SIK2: variants seen among roughly 807,000 people sequenced by gnomAD.
SIK2 encodes the protein salt inducible kinase 2.
In SIK2, 29 loss-of-function variants were observed where a neutral mutation model predicts 103.2. That is an observed-to-expected ratio of 0.28 (90% CI 0.21 to 0.38). The LOEUF is 0.38. SIK2 is among the 10% of genes least tolerant of loss of function. SIK2 has a pLI of 1.00. For missense variants in SIK2, 879 were observed against 1,171.0 expected (o/e 0.75, Z 3.64); for synonymous variants, 412 against 446.1 (o/e 0.92, Z 0.96).
chr11:111,719,782 G>A lies in SIK2; in HGVS notation c.1274G>A (p.Gly425Asp). The change falls in exon 10 of 15, where the codon GGC becomes GAC. Residue 425 changes from glycine to aspartate, a missense_variant. Physicochemically the swap from Gly to Asp is moderately conservative, Grantham distance 94. Around this residue, in one of 7 missense-constraint regions of SIK2, gnomAD observed 222 missense variants for 258.0 expected, o/e 0.86. Coordinates refer to ENST00000304987, the MANE Select transcript of SIK2 (RefSeq NM_015191.3). Reference protein sequence around the residue: ...EECVDTPKVNGCLLDPVPPVL... With the variant: ...EECVDTPKVNDCLLDPVPPVL... ...CTCTCCCCTGGCGTTTAGGTCAATGGCTGTCTGCTTGACCCTGTGCCTCCT... is the reference window on the plus strand; with the variant it reads ...CTCTCCCCTGGCGTTTAGGTCAATGACTGTCTGCTTGACCCTGTGCCTCCT... 6.2e-7 allele frequency: 1 copy of A among 1,613,028 alleles called. No individual in the cohort carries two copies.
At chr11:111,693,742 G>A (rs572777509) in intron 4 of SIK2, among the ~76,000 whole-genome samples, 2 of 152,170 alleles carry the variant, frequency 1.3e-5, no homozygotes, top group South Asian at 2.1e-4. Flanking sequence ...TATAACCTTG[G>A]GCCGATTATT....
chr11:111,689,582 A>G (rs188350126), intron 4 of SIK2, among the ~76,000 whole-genome samples: 86 of 152,300 alleles, frequency 5.6e-4, no homozygotes, highest in Non-Finnish European at 5.9e-5. Context: ...GTTTTGTTCT[A>G]AGATTGTTAA....
intron 3 of SIK2, among the ~76,000 whole-genome samples, chr11:111,623,099 A>G (rs1941916015): frequency 6.6e-6 from 1 of 152,158 alleles, no homozygotes; most frequent in African/African-American, 2.4e-5. Flanking sequence ...TTTTTAAAAA[A>G]TTCCTTTTTT....
chr11:111,672,307 A>T (rs2135881301), intron 3 of SIK2: 1 of 434,904 alleles, frequency 2.3e-6, no homozygotes, highest in East Asian at 5.2e-5. Context: ...CAAGGAGCTG[A>T]TGCAGGCACC....
chr11:111,642,468 G>C (rs1942195465), intron 3 of SIK2, among the ~76,000 whole-genome samples: 1 of 152,116 alleles, frequency 6.6e-6, no homozygotes, highest in African/African-American at 2.4e-5. Flanking sequence ...CTCAGAAACA[G>C]CCAAACGGAA....
At chr11:111,617,834 GTGTA>G (rs1193747937) in intron 2 of SIK2, among the ~76,000 whole-genome samples, 1 of 150,520 alleles carries the variant, frequency 6.6e-6, no homozygotes, top group Non-Finnish European at 1.5e-5. Flanking sequence ...ATGTGTGTTT[GTGTA>G]TGTGTGTGTG....
chr11:111,630,043 TCA>T (rs1238253989), intron 3 of SIK2, among the ~76,000 whole-genome samples: 1 of 152,182 alleles, frequency 6.6e-6, no homozygotes, highest in Non-Finnish European at 1.5e-5. Flanking sequence ...CAGCCTTTTT[TCA>T]CAGTCACGCA....
chr11:111,688,558 C>T lies in SIK2; in HGVS notation c.478+396C>T, dbSNP rs781217596. Among the ~76,000 whole-genome samples the T allele has an allele frequency of 9.9e-5, 15 of 152,186 alleles. No homozygotes were observed. Among genetic ancestry groups the T allele is most frequent in the South Asian group, 2.1e-4 (1 of 4,810 alleles). Reference sequence around the variant, plus strand: ...GCTACAGCCAGAAGCAGAGAAAAGGCAAAAGAAGTGATGGAGGTAGAATGA... The same window carrying T: ...GCTACAGCCAGAAGCAGAGAAAAGGTAAAAGAAGTGATGGAGGTAGAATGA... On this transcript the variant is annotated intron_variant, in intron 4 of 14. Coordinates refer to ENST00000304987, the MANE Select transcript of SIK2 (RefSeq NM_015191.3). The surrounding 1 kb of genome is among the most constrained non-coding windows in gnomAD (Gnocchi z 4.2).
At chr11:111,703,058 A>T (rs1457974143) in intron 6 of SIK2, 145 bp from the exon 7 acceptor site, 4 of 656,552 alleles carry the variant, frequency 6.1e-6, no homozygotes, top group Non-Finnish European at 1.0e-5. Flanking sequence ...AGTAGCCTGC[A>T]TGTGTTCATT....
chr11:111,682,377 G>A (rs1284460039), intron 3 of SIK2, among the ~76,000 whole-genome samples: 5 of 152,226 alleles, frequency 3.3e-5, no homozygotes, highest in African/African-American at 7.2e-5. Context: ...CTGTTCCAGC[G>A]TAAAAGGGCT....
chr11:111,657,652 G>A (rs768288822), intron 3 of SIK2, among the ~76,000 whole-genome samples: 9 of 152,096 alleles, frequency 5.9e-5, no homozygotes, highest in Non-Finnish European at 1.2e-4. Context: ...GCCTCCCAAA[G>A]TGCTGGGATT....
At chr11:111,625,284 G>C (rs1342363324) in intron 3 of SIK2, among the ~76,000 whole-genome samples, 1 of 152,178 alleles carries the variant, frequency 6.6e-6, no homozygotes, top group East Asian at 1.9e-4. Flanking sequence ...AGGGAAACCA[G>C]GTAGGAAGCT....
chr11:111,671,662 G>C, intron 3 of SIK2: 1 of 375,476 alleles, frequency 2.7e-6, no homozygotes, highest in South Asian at 2.5e-5. Flanking sequence ...AACCACAGAT[G>C]TGTCCAAGAT....
chr11:111,677,142 A>G (rs1422580329), intron 3 of SIK2, among the ~76,000 whole-genome samples: 2 of 152,218 alleles, frequency 1.3e-5, no homozygotes, highest in Non-Finnish European at 2.9e-5. Context: ...AGATGACATC[A>G]TCATAACCTG....
At chr11:111,629,644 C>A (rs984607724) in intron 3 of SIK2, among the ~76,000 whole-genome samples, 7 of 152,064 alleles carry the variant, frequency 4.6e-5, no homozygotes, top group Non-Finnish European at 1.0e-4. Flanking sequence ...AAAAAGACAA[C>A]CCAATTTAAC....
intron 4 of SIK2, among the ~76,000 whole-genome samples, chr11:111,694,204 T>G (rs1943017006): frequency 6.6e-6 from 1 of 152,210 alleles, no homozygotes; most frequent in East Asian, 1.9e-4. Context: ...CTTAAAATTT[T>G]AATAGCCATA....
intron 3 of SIK2, among the ~76,000 whole-genome samples, chr11:111,674,291 A>G (rs991945775): frequency 8.6e-5 from 13 of 151,922 alleles, no homozygotes; most frequent in Admixed American, 5.9e-4. Flanking sequence ...TTATCTCCCT[A>G]TGTTTCTGGT....
In SIK2 at chr11:111,721,864, C is replaced by T; in HGVS notation, c.1979C>T (p.Thr660Ile). 6.2e-7 allele frequency: 1 copy of T among 1,612,692 alleles called. No individual in the cohort carries two copies. Among genetic ancestry groups the T allele is most frequent in the Non-Finnish European group, 8.5e-7 (1 of 1,179,284 alleles). The change falls in exon 13 of 15, where the codon ACT (threonine) becomes ATT (isoleucine). Residue 660 changes from threonine (T) to isoleucine (I), a missense_variant. Thr to Ile is a moderately conservative substitution (Grantham distance 89). This residue lies in a region of SIK2 where 375 missense variants were observed against 416.3 expected (regional missense o/e 0.90). Transcript: ENST00000304987. ...TCTCAGCAGCAGGAAAGCGTCTCCA[C>T]TCTCCCTGCCAGCGTGCATCCCCAG... is the stretch of plus-strand genomic sequence containing the variant. Reference protein sequence around the residue: ...EVSQQQESVSTLPASVHPQLS... With the variant: ...EVSQQQESVSILPASVHPQLS...
intron 3 of SIK2, among the ~76,000 whole-genome samples, chr11:111,656,284 A>G (rs1016842674): frequency 6.6e-6 from 1 of 152,228 alleles, no homozygotes; most frequent in Non-Finnish European, 1.5e-5. Context: ...GAGTTGGCCA[A>G]GAACATATTT....
Sources: allele counts gnomAD v4.1 joint callset (sites outside exome capture counted in the v4.1 genomes callset), GRCh38; gene constraint gnomAD v4.1.1; regional missense constraint gnomAD v4.1.1; non-coding constraint Gnocchi (gnomAD v3.1); transcripts MANE v1.5; gene names NCBI Gene and HGNC (gene_info 2026-07-23, HGNC 2026-07-21).